The following CDK4 variants were observed in gnomAD, a reference collection of about 807,000 sequenced individuals.
The protein encoded by CDK4 is cyclin-dependent kinase 4.
A neutral mutation model predicts 36.7 loss-of-function variants in CDK4; 13 were observed. The ratio of observed to expected loss-of-function variants is 0.35; its 90% confidence interval spans 0.23 to 0.56. CDK4 has a LOEUF of 0.56. Ranked by LOEUF, CDK4 falls within the 20% of genes least tolerant of loss-of-function variation. CDK4 has a pLI of 0.85. For missense variants in CDK4, 285 were observed against 387.3 expected, an observed-to-expected ratio of 0.74 and a Z score of 2.22; for synonymous variants, 158 against 146.4, an observed-to-expected ratio of 1.08 and a Z score of -0.57.
chr12:57,750,625 C>G (rs759506539), intron 5 of CDK4, 31 bp downstream of exon 5: 1 of 1,449,988 alleles, frequency 6.9e-7, no homozygotes, highest in Non-Finnish European at 9.7e-7. Context: ...TTGGGGAATT[C>G]AAGGTAGTCC....
intron 5 of CDK4, 166 bp downstream of exon 5, chr12:57,750,490 C>G (rs1414679651): frequency 1.5e-6 from 1 of 673,852 alleles, no homozygotes; most frequent in Admixed American, 2.0e-5. Flanking sequence ...TCACTTGAGC[C>G]CAGGAGGTTG....
At position 57,751,626 on chromosome 12, in the gene CDK4, A is replaced by G; in HGVS notation, c.92T>C (p.Phe31Ser). ...YKARDPHSGHFVALKSVRVPN... is the reference protein window; with the variant it reads ...YKARDPHSGHSVALKSVRVPN... ...GACTCTCACACTCTTGAGGGCCACAAAGTGGCCACTGTGGGGATCACGGGC... is the reference window on the plus strand; with the variant it reads ...GACTCTCACACTCTTGAGGGCCACAGAGTGGCCACTGTGGGGATCACGGGC... Residue 31 changes from phenylalanine to serine, a missense_variant, in exon 2 of 8, where the codon TTT (phenylalanine) becomes TCT (serine). By Grantham distance (155) the Phe-to-Ser change is radical (BLOSUM62 -2). Coordinates refer to ENST00000257904, the MANE Select transcript of CDK4 (RefSeq NM_000075.4). This position sits in a 1 kb window ranked among gnomAD's most constrained non-coding sequence, Gnocchi z 4.5. 6.2e-7 allele frequency: 1 copy of G among 1,614,076 alleles called. No homozygotes were observed. Among genetic ancestry groups the G allele is most frequent in the South Asian group, 1.1e-5 (1 of 91,074 alleles).
chr12:57,752,255 C>G lies in CDK4; in HGVS notation c.-100G>C, dbSNP rs886049718. The G allele has an allele frequency of 4.5e-6, 1 of 221,210 alleles. No individual in the cohort carries two copies. Among genetic ancestry groups the G allele is most frequent in the East Asian group, 1.1e-4 (1 of 8,802 alleles). The allele number at this position is 221,210 out of a possible 1,614,324, so 13.7% of individuals were successfully genotyped here. On this transcript the variant is annotated 5_prime_UTR_variant, in exon 1 of 8. Coordinates refer to ENST00000257904, the MANE Select transcript of CDK4 (RefSeq NM_000075.4). ...GTTCCTACGGCCCCATACACCCGAGCTCGGTCCGGAGCAGCTGGACGCAGA... is the reference window on the plus strand; with the variant it reads ...GTTCCTACGGCCCCATACACCCGAGGTCGGTCCGGAGCAGCTGGACGCAGA...
Position 57,750,967 on chromosome 12 carries a change from CA to C in CDK4, c.477del (p.Phe159LeufsTer71), listed in dbSNP as rs786203016. ...TSGGTVKLAD[F>X]GLARIYSYQM... ...TGGTAGCTGTAGATTCTGGCCAGGC[CA>C]AAGTCAGCCAGCTTGACTGTTCCAC... On this transcript the variant is annotated frameshift_variant, in exon 4 of 8. Coordinates refer to ENST00000257904, the MANE Select transcript of CDK4 (RefSeq NM_000075.4). LOFTEE classifies it high-confidence loss of function. The C allele has an allele frequency of 1.9e-6, 3 of 1,613,998 alleles. No individual in the cohort carries two copies. Among genetic ancestry groups the C allele is most frequent in the African/African-American group, 1.3e-5 (1 of 74,898 alleles).
In CDK4 at chr12:57,751,227, A is replaced by G. The variant is rs1555201318; in HGVS notation, c.334T>C (p.Leu112=). ...CTCACCTTGATCGTTTCGGCTGGCA[A>G]GCCTGGTGGGGGTGCCTTGTCCAGA... is the stretch of plus-strand genomic sequence containing the variant. ...TYLDKAPPPG[L]PAETIKDLMR... The change falls in exon 3 of 8, where the codon TTG becomes CTG. Residue 112 remains leucine, a synonymous_variant. Coordinates refer to ENST00000257904, the MANE Select transcript of CDK4 (RefSeq NM_000075.4). The surrounding 1 kb of genome is among the most constrained non-coding windows in gnomAD (Gnocchi z 4.5). The G allele has an allele frequency of 8.7e-6, 14 of 1,614,184 alleles. No homozygotes were observed. The highest frequency in any genetic ancestry group is 1.2e-5 in the Non-Finnish European group (14 of 1,180,032).
Position 57,748,575 on chromosome 12 carries a change from G to A in CDK4, c.862C>T (p.Arg288Ter), listed in dbSNP as rs587779897. ...TGTAGATAAGAGTGCTGCAGAGCTC[G>A]AAAGGCAGAGATTCGCTTGTGTGGG... ...FNPHKRISAF[R>*]ALQHSYLHKD... Residue 288 changes from arginine to a stop codon, truncating the protein, a stop_gained, in exon 8 of 8, where the codon CGA becomes TGA. Transcript: ENST00000257904. LOFTEE classifies it high-confidence loss of function. 1.2e-6 allele frequency: 2 copies of A among 1,613,990 alleles called. No individual in the cohort carries two copies. The highest frequency in any genetic ancestry group is 1.7e-6 in the Non-Finnish European group (2 of 1,179,876).
Position 57,748,550 on chromosome 12 carries a change from T to C in CDK4, c.887A>G (p.His296Arg), listed in dbSNP as rs786202648. 2 of 1,613,528 alleles carry C rather than the reference T, an allele frequency of 1.2e-6. No individual in the cohort carries two copies. The highest frequency in any genetic ancestry group is 1.7e-5 in the Admixed American group (1 of 60,014). ...TCACTCCGGATTACCTTCATCCTTA[T>C]GTAGATAAGAGTGCTGCAGAGCTCG... ...AFRALQHSYLHKDEGNPE is the reference protein window; with the variant it reads ...AFRALQHSYLRKDEGNPE The change falls in exon 8 of 8, where the codon CAT becomes CGT. Residue 296 changes from histidine (H) to arginine (R), a missense_variant. Coordinates refer to ENST00000257904, the MANE Select transcript of CDK4 (RefSeq NM_000075.4).
rs2140386530 is a variant in CDK4, at chr12:57,751,008, A to G, written c.437T>C (p.Ile146Thr). 1 of 1,614,160 alleles carries G rather than the reference A, an allele frequency of 6.2e-7. No homozygotes were observed. The highest frequency in any genetic ancestry group is 8.5e-7 in the Non-Finnish European group (1 of 1,180,010). The stretch of plus-strand genomic sequence containing the variant: ...GACTGTTCCACCACTTGTCACCAGA[A>G]TGTTCTCTGGCTTCAGATCTCGGTG... ...IVHRDLKPENILVTSGGTVKL... is the reference protein window; with the variant it reads ...IVHRDLKPENTLVTSGGTVKL... Residue 146 changes from isoleucine to threonine, a missense_variant, in exon 4 of 8, where the codon ATT becomes ACT. By Grantham distance (89) the Ile-to-Thr change is moderately conservative (BLOSUM62 -1). Transcript: ENST00000257904. The surrounding 1 kb of genome is among the most constrained non-coding windows in gnomAD (Gnocchi z 4.5).
At position 57,749,484 on chromosome 12, in the gene CDK4, G is replaced by C. The variant is rs1955206224; in HGVS notation, c.653C>G (p.Ser218Cys). 1 of 1,614,220 alleles carries C rather than the reference G, an allele frequency of 6.2e-7. No individual in the cohort carries two copies. The highest frequency in any genetic ancestry group is 8.5e-7 in the Non-Finnish European group (1 of 1,180,022). Residue 218 changes from serine (S) to cysteine (C), a missense_variant, in exon 6 of 8, where the codon TCT becomes TGT. By Grantham distance (112) the Ser-to-Cys change is moderately radical. Coordinates refer to ENST00000257904, the MANE Select transcript of CDK4 (RefSeq NM_000075.4). Reference protein sequence around the residue: ...FRRKPLFCGNSEADQLGKIFD... With the variant: ...FRRKPLFCGNCEADQLGKIFD... ...GATTTTGCCCAACTGGTCGGCTTCAGAGTTTCCACAGAAGAGAGGCCTAAG... is the reference window on the plus strand; with the variant it reads ...GATTTTGCCCAACTGGTCGGCTTCACAGTTTCCACAGAAGAGAGGCCTAAG...
intron 7 of CDK4, 99 bp from the exon 8 acceptor site, chr12:57,748,716 T>G (rs772710902): frequency 4.6e-6 from 4 of 877,162 alleles, no homozygotes; most frequent in Non-Finnish European, 7.5e-6. Flanking sequence ...TTCTTTTTTT[T>G]TTTTTTTGAG....
At chr12:57,749,916 G>C (rs532701050) in intron 5 of CDK4, 1 of 276,610 alleles carries the variant, frequency 3.6e-6, no homozygotes, top group South Asian at 3.6e-5. Context: ...AGAATTGCTT[G>C]AATCTGGGAG....
rs375309124 is a variant in CDK4 at position 57,748,531 on chromosome 12, C to T, written c.906G>A (p.Pro302=). 69 of 1,610,628 alleles carry T rather than the reference C, an allele frequency of 4.3e-5. 1 individual carries two copies. The South Asian group carries it at 6.8e-4, about 16-fold the overall frequency. Residue 302 remains proline, a synonymous_variant, in exon 8 of 8, where the codon CCG becomes CCA. Transcript: ENST00000257904. ...ATGGCAGCCACTCCATTGCTCACTC[C>T]GGATTACCTTCATCCTTATGTAGAT... The part of the protein sequence containing the change: ...HSYLHKDEGN[P]E
chr12:57,749,595 G>T, intron 5 of CDK4, 91 bp from the exon 6 acceptor site: 3 of 1,250,082 alleles, frequency 2.4e-6, no homozygotes, highest in Middle Eastern at 3.8e-4. Flanking sequence ...AGGAAGTATA[G>T]GGAATAAAGG....
rs1487727732 is a variant in CDK4 at position 57,749,188 on chromosome 12, C to T, written c.813G>A (p.Leu271=). 2.2e-5 allele frequency: 36 copies of T among 1,613,918 alleles called. No homozygotes were observed. In the Admixed American group the frequency reaches 4.8e-4, roughly 22 times the overall value. ...CCACAGCCATCTCCAGTACCAGCAG[C>T]AGCTGTGCTCCCGACTCCTCCATCT... ...VPEMEESGAQ[L]LLEMLTFNPH... The change falls in exon 7 of 8, where the codon CTG becomes CTA. Residue 271 remains leucine, a synonymous_variant. Coordinates refer to ENST00000257904, the MANE Select transcript of CDK4 (RefSeq NM_000075.4).
chr12:57,749,536 A>G, intron 5 of CDK4, 32 bp from the exon 6 acceptor site: 1 of 1,603,388 alleles, frequency 6.2e-7, no homozygotes, highest in African/African-American at 1.3e-5. Context: ...GGTAGCAGTC[A>G]TTTTCAAAGA....
intron 5 of CDK4, 128 bp downstream of exon 5, chr12:57,750,526 CAT>C (rs1483949535): frequency 1.2e-5 from 9 of 753,164 alleles, no homozygotes; most frequent in Non-Finnish European, 2.2e-5. Flanking sequence ...GTGATCATGC[CAT>C]TGCAATCCAG....
In CDK4 at chr12:57,749,555, T is replaced by G. The variant is rs1344005175; in HGVS notation, c.633-51A>C. 5 of 1,553,708 alleles carry G rather than the reference T, an allele frequency of 3.2e-6. No homozygotes were observed. The East Asian group carries it at 1.1e-4, about 35-fold the overall frequency. ...GCAGTCATTTTCAAAGATATCTTAG[T>G]TGAATGGTTACTGCTTAGTGGCTCA... On this transcript the variant is annotated intron_variant, in intron 5 of 7. Transcript: ENST00000257904.
chr12:57,750,660 G>C lies in CDK4; in HGVS notation c.628C>G (p.Arg210Gly), dbSNP rs1595110146. Residue 210 changes from arginine (R) to glycine (G), a missense_variant, in exon 5 of 8, where the codon CGA becomes GGA. Coordinates refer to ENST00000257904, the MANE Select transcript of CDK4 (RefSeq NM_000075.4). ...VGCIFAEMFR[R>G]KPLFCGNSEA... ...CAGGGTATGTGGGTCCCATACTTTC[G>C]ACGAAACATCTCTGCAAAGATACAG... 6.2e-7 allele frequency: 1 copy of C among 1,610,110 alleles called. No individual in the cohort carries two copies. The highest frequency in any genetic ancestry group is 2.2e-5 in the East Asian group (1 of 44,884).
intron 5 of CDK4, chr12:57,750,417 A>ACATG (rs1955222285): frequency 4.1e-6 from 2 of 483,736 alleles, no homozygotes; most frequent in African/African-American, 3.9e-5. Context: ...ATATTAACAA[A>ACATG]CTAGCCAAGC....
Sources: allele counts gnomAD v4.1 joint callset, GRCh38; gene constraint gnomAD v4.1.1; non-coding constraint Gnocchi (gnomAD v3.1); transcripts MANE v1.5; gene names NCBI Gene and HGNC (gene_info 2026-07-23, HGNC 2026-07-21).